PTPRN2: variants seen among roughly 807,000 people sequenced by gnomAD.
PTPRN2 encodes the protein protein tyrosine phosphatase receptor type N2.
PTPRN2 carries 74 observed loss-of-function variants against 118.8 expected under a neutral mutation model. That is an observed-to-expected ratio of 0.62 (90% CI 0.52 to 0.76). PTPRN2 has a LOEUF of 0.76. Among genes scored for constraint, PTPRN2 ranks in the 30% least tolerant of loss-of-function variants. The probability of loss-of-function intolerance (pLI) is 0.00; values close to 1 mark genes in which losing one functional copy is unlikely to be tolerated. For missense variants in PTPRN2, 1,481 were observed against 1,394.4 expected (o/e 1.06, Z -0.99); for synonymous variants, 641 against 608.0 (o/e 1.05, Z -0.80).
intron 2 of PTPRN2, among the ~76,000 whole-genome samples, chr7:158,371,794 T>A (rs1317650840): frequency 6.6e-6 from 1 of 152,248 alleles, no homozygotes; most frequent in Non-Finnish European, 1.5e-5. Flanking sequence ...CGTAGGTGAA[T>A]AATTAAATTA....
intron 12 of PTPRN2, among the ~76,000 whole-genome samples, chr7:157,792,174 A>G (rs1419588461): frequency 6.6e-6 from 1 of 152,158 alleles, no homozygotes; most frequent in African/African-American, 2.4e-5. Flanking sequence ...GAGCTGCCTC[A>G]TGGGGTGGGG....
chr7:157,640,374 G>T (rs1435888899), intron 14 of PTPRN2, among the ~76,000 whole-genome samples: 1 of 152,212 alleles, frequency 6.6e-6, no homozygotes, highest in Admixed American at 6.5e-5. Flanking sequence ...TCCCTGGAAT[G>T]CAGGACAGAA....
intron 11 of PTPRN2, among the ~76,000 whole-genome samples, chr7:157,937,159 C>G (rs1585047307): frequency 6.6e-6 from 1 of 152,292 alleles, no homozygotes; most frequent in South Asian, 2.1e-4. Flanking sequence ...CCTTCTGCAT[C>G]TGGGCACCTG....
chr7:157,784,353 C>A lies in PTPRN2; in HGVS notation c.1789-101416G>T, dbSNP rs1290434274. Among the ~76,000 whole-genome samples the A allele has an allele frequency of 2.0e-5, 3 of 152,164 alleles. No individual in the cohort carries two copies. The highest frequency in any genetic ancestry group is 7.2e-5 in the African/African-American group (3 of 41,452). ...GGGGGCGGTTCAGCAGCCCCTCGAA[C>A]CTTCACCCGGGGCTCGTTTGCTGCT... On this transcript the variant is annotated intron_variant, in intron 12 of 22. Transcript: ENST00000389418. This position sits in a 1 kb window ranked among gnomAD's most constrained non-coding sequence, Gnocchi z 4.6.
At chr7:158,120,854 G>A (rs1337344992) in intron 9 of PTPRN2, among the ~76,000 whole-genome samples, 1 of 152,170 alleles carries the variant, frequency 6.6e-6, no homozygotes, top group Non-Finnish European at 1.5e-5. Context: ...AGGGAGCCAG[G>A]CGGGGCTACA....
intron 2 of PTPRN2, among the ~76,000 whole-genome samples, chr7:158,450,984 A>T (rs887664610): frequency 3.3e-5 from 5 of 151,546 alleles, no homozygotes; most frequent in African/African-American, 1.2e-4. Flanking sequence ...GCTTCCAGGA[A>T]CTCCCCGCCC....
At chr7:158,110,984 T>C in intron 9 of PTPRN2, 69 bp from the exon 10 acceptor site, 9 of 1,357,862 alleles carry the variant, frequency 6.6e-6, no homozygotes, top group Non-Finnish European at 8.1e-6. Context: ...TAAAGCCCTG[T>C]GGCCCCACAG....
At chr7:158,483,973 G>A (rs901087076) in intron 2 of PTPRN2, among the ~76,000 whole-genome samples, 5 of 151,614 alleles carry the variant, frequency 3.3e-5, no homozygotes, top group Non-Finnish European at 7.4e-5. Flanking sequence ...CTCCATCACT[G>A]CAAAAAAAAA....
chr7:157,594,426 C>A (rs982180715), intron 17 of PTPRN2, among the ~76,000 whole-genome samples: 6 of 152,178 alleles, frequency 3.9e-5, no homozygotes, highest in African/African-American at 1.4e-4. Context: ...GGCTGTGGAT[C>A]GCCAGGAGGC....
Position 157,622,170 on chromosome 7 carries a change from C to T in PTPRN2, c.2197-661G>A, listed in dbSNP as rs184704349. ...TCTTATTCATCTGTACCGTTGAGAA[C>T]AAGCCCTGATTTTAAGAAAGAACAT... On this transcript the variant is annotated intron_variant, in intron 14 of 22. Coordinates refer to ENST00000389418, the MANE Select transcript of PTPRN2 (RefSeq NM_002847.5). This position sits in a 1 kb window ranked among gnomAD's most constrained non-coding sequence, Gnocchi z 5.3. Among the ~76,000 whole-genome samples the T allele has an allele frequency of 1.1e-4, 17 of 152,194 alleles. No individual in the cohort carries two copies. Among genetic ancestry groups the T allele is most frequent in the African/African-American group, 4.1e-4 (17 of 41,532 alleles).
At chr7:158,439,827 C>T (rs1816855211) in intron 2 of PTPRN2, among the ~76,000 whole-genome samples, 1 of 152,160 alleles carries the variant, frequency 6.6e-6, no homozygotes, top group Non-Finnish European at 1.5e-5. Context: ...CTCGTAGTGC[C>T]CACAAGGAAG....
intron 11 of PTPRN2, among the ~76,000 whole-genome samples, chr7:158,042,697 G>A (rs570718772): frequency 1.8e-4 from 28 of 152,294 alleles, no homozygotes; most frequent in African/African-American, 5.1e-4. Context: ...CTGAGCCACA[G>A]CCGGCTGATA....
intron 5 of PTPRN2, among the ~76,000 whole-genome samples, chr7:158,188,218 T>C (rs1247067156): frequency 0.12 from 4,639 of 38,688 alleles, 793 homozygotes; most frequent in Admixed American, 0.19. Context: ...CGCCGCCTGA[T>C]GGGGAAGGCC....
At chr7:157,647,152 T>C (rs1375073673) in intron 14 of PTPRN2, among the ~76,000 whole-genome samples, 1 of 74,102 alleles carries the variant, frequency 1.3e-5, no homozygotes, top group Non-Finnish European at 2.7e-5. Context: ...CCATTCACTG[T>C]GCACTGAACT....
At chr7:158,335,375 C>G (rs1361816915) in intron 2 of PTPRN2, among the ~76,000 whole-genome samples, 3 of 17,630 alleles carry the variant, frequency 1.7e-4, no homozygotes, top group Admixed American at 5.6e-4. Context: ...CACCCATACT[C>G]TCACCATAAG....
intron 22 of PTPRN2, among the ~76,000 whole-genome samples, chr7:157,543,159 C>T (rs1356010142): frequency 2.0e-5 from 3 of 152,206 alleles, no homozygotes; most frequent in Non-Finnish European, 4.4e-5. Flanking sequence ...AGATGACCAT[C>T]TTAGCCTAAA....
chr7:157,762,917 A>G (rs1278672792), intron 12 of PTPRN2, among the ~76,000 whole-genome samples: 1 of 152,116 alleles, frequency 6.6e-6, no homozygotes, highest in Admixed American at 6.5e-5. Context: ...CCTGAAAAGC[A>G]TGTTAGGCCC....
At position 157,587,010 on chromosome 7, in the gene PTPRN2, G is replaced by A. The variant is rs1167888332; in HGVS notation, c.2496+8228C>T. Among the ~76,000 whole-genome samples the A allele has an allele frequency of 6.6e-6, 1 of 152,224 alleles. No homozygotes were observed. The highest frequency in any genetic ancestry group is 1.5e-5 in the Non-Finnish European group (1 of 68,036). ...GGTGCTGATGGTGATGCCTGCAGTG[G>A]TCATCCTGGGCTGATCAAGGAAGCT... On this transcript the variant is annotated intron_variant, in intron 17 of 22. Transcript: ENST00000389418. The surrounding 1 kb of genome is among the most constrained non-coding windows in gnomAD (Gnocchi z 5.3).
chr7:157,817,098 G>A (rs1806456952), intron 12 of PTPRN2, among the ~76,000 whole-genome samples: 1 of 152,224 alleles, frequency 6.6e-6, no homozygotes, highest in African/African-American at 2.4e-5. Flanking sequence ...CGGCATGGGA[G>A]CGCTGTGTTC....
Sources: gnomAD v4.1 joint callset for allele counts (sites outside exome capture counted in the v4.1 genomes callset) on GRCh38, gnomAD v4.1.1 for gene constraint, Gnocchi (gnomAD v3.1) non-coding constraint, MANE v1.5 for transcripts, NCBI Gene and HGNC (gene_info 2026-07-23, HGNC 2026-07-21) for gene names.